Variants in EBF4 observed in about 807,000 individuals in gnomAD.
The protein encoded by EBF4 is transcription factor COE4.
Under a neutral mutation model 67.1 loss-of-function variants are expected in EBF4, and 34 were observed. That is an observed-to-expected ratio of 0.51 (90% CI 0.39 to 0.67). The LOEUF (loss-of-function observed/expected upper bound fraction) is 0.67. Among genes scored for constraint, EBF4 ranks in the 30% least tolerant of loss-of-function variants. The probability of loss-of-function intolerance (pLI) is 0.00; values close to 1 mark genes in which losing one functional copy is unlikely to be tolerated. For synonymous variants in EBF4, 387 were observed against 377.7 expected (o/e 1.02, Z -0.29); for missense variants, 837 against 873.3 (o/e 0.96, Z 0.52).
chr20:2,744,878 T>C (rs919902270), intron 6 of EBF4, among the ~76,000 whole-genome samples: 1 of 152,170 alleles, frequency 6.6e-6, no homozygotes, highest in African/African-American at 2.4e-5. Context: ...TTTAACCCAA[T>C]ATATCTAAAA....
rs538867223 is a variant in EBF4, at chr20:2,737,053, T to G, written c.558-11496T>G. Among the ~76,000 whole-genome samples the G allele has an allele frequency of 1.5e-3, 234 of 151,806 alleles. 1 individual carries two copies. Among genetic ancestry groups the G allele is most frequent in the Middle Eastern group, 3.4e-3 (1 of 292 alleles). On this transcript the variant is annotated intron_variant, in intron 6 of 16. Coordinates refer to ENST00000609451, the Ensembl canonical transcript of EBF4. ...TCACAAGGTCAGGAGATGGAGACCA[T>G]CCTGGCTAACACGGTGAAACCCCGT...
chr20:2,727,854 T>C (rs990802354), intron 6 of EBF4, among the ~76,000 whole-genome samples: 5 of 152,224 alleles, frequency 3.3e-5, no homozygotes, highest in Admixed American at 3.3e-4. Context: ...TTGTACATGC[T>C]CTTTGGAGAA....
At chr20:2,721,311 T>C (rs2087678118) in intron 6 of EBF4, among the ~76,000 whole-genome samples, 1 of 151,426 alleles carries the variant, frequency 6.6e-6, no homozygotes, top group African/African-American at 2.4e-5. Context: ...TTAACTGTTA[T>C]GCCTTCAAGT....
chr20:2,733,817 A>G (rs1025946197), intron 6 of EBF4, among the ~76,000 whole-genome samples: 1 of 141,730 alleles, frequency 7.1e-6, no homozygotes, highest in Non-Finnish European at 1.5e-5. Context: ...GCTGATGAGA[A>G]AAAAAAAAAA....
chr20:2,712,293 G>A (rs2087554663), intron 6 of EBF4, among the ~76,000 whole-genome samples: 1 of 152,188 alleles, frequency 6.6e-6, no homozygotes, highest in African/African-American at 2.4e-5. Context: ...CCCAGGTGAA[G>A]GATGATGGAA....
chr20:2,752,637 G>A (rs1293072713), intron 14 of EBF4, 92 bp downstream of exon 14: 1 of 1,103,606 alleles, frequency 9.1e-7, no homozygotes, highest in Non-Finnish European at 1.1e-6. Context: ...AGGTTGGGGC[G>A]CCGGCGCCGT....
intron 7 of EBF4, 35 bp downstream of exon 7, chr20:2,748,665 C>G (rs989580808): frequency 6.5e-7 from 1 of 1,541,376 alleles, no homozygotes; most frequent in African/African-American, 1.4e-5. Flanking sequence ...CTTGCAACCC[C>G]ACCCTTTCCT....
At chr20:2,704,960 A>G (rs895510638) in intron 1 of EBF4, among the ~76,000 whole-genome samples, 1 of 152,206 alleles carries the variant, frequency 6.6e-6, no homozygotes, top group Non-Finnish European at 1.5e-5. Context: ...TGCCCAAGGG[A>G]GCCTGTGGTT....
chr20:2,704,978 C>T (rs2146381272), intron 1 of EBF4, among the ~76,000 whole-genome samples: 1 of 152,360 alleles, frequency 6.6e-6, no homozygotes, highest in Admixed American at 6.5e-5. Context: ...GTTGTCTCTC[C>T]CAAAGCCTGG....
At position 2,723,420 on chromosome 20, in the gene EBF4, G is replaced by A. The variant is rs12624605; in HGVS notation, c.557+13778G>A. ...GGCTGGAGTGCAGTGGCGCAATCTCGGCTCACTGCAAGCTCAGCCTCCCGG... is the reference window on the plus strand; with the variant it reads ...GGCTGGAGTGCAGTGGCGCAATCTCAGCTCACTGCAAGCTCAGCCTCCCGG... On this transcript the variant is annotated intron_variant, in intron 6 of 16. Transcript: ENST00000609451. 1.3e-3 allele frequency among the ~76,000 whole-genome samples: 194 copies of A among 151,930 alleles called. 5 individuals are homozygous for A. In the East Asian group the frequency reaches 0.035, roughly 28 times the overall value.
intron 6 of EBF4, among the ~76,000 whole-genome samples, chr20:2,724,771 G>A (rs1568575673): frequency 6.6e-6 from 1 of 152,160 alleles, no homozygotes; most frequent in South Asian, 2.1e-4. Context: ...ATGTGTTGTG[G>A]TGCATGCCTG....
rs1300437430 is a variant in EBF4 at position 2,756,944 on chromosome 20, C to G, written c.1738+1120C>G. On this transcript the variant is annotated intron_variant, in intron 15 of 16. Coordinates refer to ENST00000609451, the Ensembl canonical transcript of EBF4. The surrounding 1 kb of genome is among the most constrained non-coding windows in gnomAD (Gnocchi z 4.5). The stretch of plus-strand genomic sequence containing the variant: ...TGAGCACAAAAATGTATTTTTCTAA[C>G]AGCATCTTGAGATTAGTTCCTGGGG... 6.6e-6 allele frequency among the ~76,000 whole-genome samples: 1 copy of G among 152,222 alleles called. No homozygotes were observed.
In EBF4 at chr20:2,705,966, C is replaced by A; in HGVS notation, c.295-8C>A. The A allele has an allele frequency of 6.4e-7, 1 of 1,550,938 alleles. No individual in the cohort carries two copies. The highest frequency in any genetic ancestry group is 8.7e-7 in the Non-Finnish European group (1 of 1,146,668). The stretch of plus-strand genomic sequence containing the variant: ...GCACCCGAGCATCCTCCCATCTTGT[C>A]CCTGCAGGAGCCCGGGGCGGAAAAG... On this transcript the variant is annotated splice_region_variant and splice_polypyrimidine_tract_variant and intron_variant, in intron 2 of 16. Transcript: ENST00000609451.
chr20:2,740,675 A>T (rs1280297759), intron 6 of EBF4, among the ~76,000 whole-genome samples: 1 of 152,094 alleles, frequency 6.6e-6, no homozygotes, highest in Non-Finnish European at 1.5e-5. Context: ...AGAGCCTGAG[A>T]TGGGGATTCT....
At chr20:2,694,787 G>A (rs2087264617) in intron 1 of EBF4, among the ~76,000 whole-genome samples, 1 of 152,078 alleles carries the variant, frequency 6.6e-6, no homozygotes, top group South Asian at 2.1e-4. Context: ...CAACCTCACC[G>A]TGTAACAGAC....
chr20:2,706,250 T>G (rs1230996928), exon 4 of EBF4: 2 of 1,552,120 alleles, frequency 1.3e-6, no homozygotes, highest in South Asian at 2.4e-5. Flanking sequence ...TCTCATCGAC[T>G]CCATGTCCAA....
rs1311237346 is a variant in EBF4, at chr20:2,751,291, G to A, written c.1019-409G>A. 1.3e-5 allele frequency among the ~76,000 whole-genome samples: 2 copies of A among 152,156 alleles called. No individual in the cohort carries two copies. Among genetic ancestry groups the A allele is most frequent in the South Asian group, 2.1e-4 (1 of 4,824 alleles). The stretch of plus-strand genomic sequence containing the variant: ...GTCCACTTGAGCCGTGATAAATGGA[G>A]ATTGTTAAGTTTTTTCTTTTTTATA... On this transcript the variant is annotated intron_variant, in intron 10 of 16. Coordinates refer to ENST00000609451, the Ensembl canonical transcript of EBF4. The surrounding 1 kb of genome is among the most constrained non-coding windows in gnomAD (Gnocchi z 5.2).
chr20:2,726,448 G>A (rs1002026706), intron 6 of EBF4, among the ~76,000 whole-genome samples: 3 of 152,060 alleles, frequency 2.0e-5, no homozygotes, highest in African/African-American at 7.2e-5. Flanking sequence ...CAGGGGTGAT[G>A]GTGTACTCCT....
At position 2,706,100 on chromosome 20, in the gene EBF4, C is replaced by A. The variant is rs1025069985; in HGVS notation, c.358+63C>A. On this transcript the variant is annotated intron_variant, in intron 3 of 16. Coordinates refer to ENST00000609451, the Ensembl canonical transcript of EBF4. ...GAAGTCTGGGCACTGCAGCATCATG[C>A]GACACCTAATGCCCCCTGTGCCAGG... The A allele has an allele frequency of 1.9e-6, 3 of 1,545,944 alleles. No individual in the cohort carries two copies. The East Asian group carries it at 7.3e-5, about 38-fold the overall frequency.
Sources: allele counts gnomAD v4.1 joint callset (sites outside exome capture counted in the v4.1 genomes callset), GRCh38; gene constraint gnomAD v4.1.1; non-coding constraint Gnocchi (gnomAD v3.1); transcripts MANE v1.5; gene names NCBI Gene and HGNC (gene_info 2026-07-23, HGNC 2026-07-21).